The following MTMR1 variants were observed in gnomAD, a reference collection of about 807,000 sequenced individuals.
MTMR1 encodes the protein phosphatidylinositol-3-phosphate phosphatase MTMR1.
MTMR1 carries 17 observed loss-of-function variants against 51.6 expected under a neutral mutation model. That is an observed-to-expected ratio of 0.33 (90% CI 0.23 to 0.49). The LOEUF is 0.49. Among genes scored for constraint, MTMR1 ranks in the 20% least tolerant of loss-of-function variants. The probability of loss-of-function intolerance (pLI) is 0.99; values close to 1 mark genes in which losing one functional copy is unlikely to be tolerated. For missense variants in MTMR1, 386 were observed against 526.9 expected (o/e 0.73, Z 2.62); for synonymous variants, 201 against 205.6 (o/e 0.98, Z 0.19).
Position 150,764,369 on chromosome X carries a change from T to C in MTMR1, c.*1640T>C, listed in dbSNP as rs782698409. 8.9e-6 allele frequency: 1 copy of C among 112,388 alleles called. No homozygotes were observed. The highest frequency in any genetic ancestry group is 1.9e-5 in the Non-Finnish European group (1 of 53,301). 9.3% of individuals were successfully genotyped at this position (112,388 alleles called of 1,213,427 possible). A position where few individuals can be genotyped will look rare whatever the true frequency, so the allele number is the denominator to read the frequency against. The stretch of plus-strand genomic sequence containing the variant: ...AAAATCAATTCTCCATTTTTTATCA[T>C]ATGTGGGATTTGTTGCTAAGTCGTG... On this transcript the variant is annotated 3_prime_UTR_variant, in exon 16 of 16. Transcript: ENST00000445323.
intron 1 of MTMR1, 39 bp downstream of exon 1, chrX:150,693,715 G>T: frequency 1.4e-6 from 1 of 739,595 alleles, no homozygotes; most frequent in Non-Finnish European, 1.6e-6. Flanking sequence ...CCCGCGCCCC[G>T]ACTCCCGAGG....
intron 11 of MTMR1, 79 bp from the exon 12 acceptor site, chrX:150,737,163 C>T: frequency 1.0e-6 from 1 of 993,749 alleles, no homozygotes; most frequent in Admixed American, 2.4e-5. Flanking sequence ...CCAAAGCTCT[C>T]CCCAGAATTA....
At position 150,736,678 on chromosome X, in the gene MTMR1, G is replaced by T. The variant is rs782001346; in HGVS notation, c.1164G>T (p.Met388Ile). The T allele has an allele frequency of 8.3e-7, 1 of 1,211,755 alleles. No homozygotes were observed. ...TGGAGATCCACAACATTCATGTCAT[G>T]CGAGAGTCACTACGCAAATTAAAAG... The part of the protein sequence containing the change: ...VFLEIHNIHV[M>I]RESLRKLKEI... The change falls in exon 11 of 16, where the codon ATG becomes ATT. Residue 388 changes from methionine to isoleucine, a missense_variant. Met to Ile is a conservative substitution (Grantham distance 10). Transcript: ENST00000445323.
rs782632211 is a variant in MTMR1 at position 150,727,271 on chromosome X, G to A, written c.409G>A (p.Val137Met). 4.1e-6 allele frequency: 5 copies of A among 1,210,022 alleles called. No homozygotes were observed. The highest frequency in any genetic ancestry group is 1.8e-5 in the South Asian group (1 of 56,725). The change falls in exon 5 of 16, where the codon GTG becomes ATG. Residue 137 changes from valine (V) to methionine (M), a missense_variant. Coordinates refer to ENST00000445323, the MANE Select transcript of MTMR1 (RefSeq NM_001306144.3). ...GGGAGCAGTGAGTGGAACCCTGACA[G>A]TGACGGACTTTAAGCTGTACTTCAA... The part of the protein sequence containing the change: ...FMGAVSGTLT[V>M]TDFKLYFKNV...
At chrX:150,732,208 T>C (rs1557417016) in intron 9 of MTMR1, among the ~76,000 whole-genome samples, 1 of 112,139 alleles carries the variant, frequency 8.9e-6, no homozygotes, top group East Asian at 2.8e-4. Flanking sequence ...AAAGATGTTT[T>C]TAAAATTAGG....
chrX:150,698,672 ACGCGCG>A (rs58742500), intron 1 of MTMR1, among the ~76,000 whole-genome samples: 3,177 of 76,638 alleles, frequency 0.041, 76 homozygotes, highest in Admixed American at 0.13. Flanking sequence ...CCCTGTCTAC[ACGCGCG>A]CGCACACACA....
rs1381665401 is a variant in MTMR1 at position 150,711,185 on chromosome X, CA to C, written c.253-1150del. On this transcript the variant is annotated intron_variant, in intron 2 of 15. Transcript: ENST00000445323. ...GTTGAGGTAAACATATCCATCCTCC[CA>C]AAAAAAGACACATTTAAGCTTCTCA... is the stretch of plus-strand genomic sequence containing the variant. 3.6e-5 allele frequency among the ~76,000 whole-genome samples: 4 copies of C among 111,901 alleles called. No individual in the cohort carries two copies. In the East Asian group the frequency reaches 8.3e-4, roughly 23 times the overall value.
At chrX:150,739,997 C>T (rs2042379513) in intron 12 of MTMR1, among the ~76,000 whole-genome samples, 1 of 111,705 alleles carries the variant, frequency 9.0e-6, no homozygotes. Flanking sequence ...CCTGCCCTTG[C>T]CTGCTTGCCT....
At chrX:150,701,848 C>T (rs1214988289) in intron 2 of MTMR1, among the ~76,000 whole-genome samples, 1 of 111,377 alleles carries the variant, frequency 9.0e-6, no homozygotes, top group Non-Finnish European at 1.9e-5. Flanking sequence ...ATAGAGAGAT[C>T]TTGCTTCTTT....
At chrX:150,699,157 A>G (rs1321677060) in intron 1 of MTMR1, 38 bp from the exon 2 acceptor site, 3 of 960,110 alleles carry the variant, frequency 3.1e-6, no homozygotes, top group South Asian at 2.4e-5. Flanking sequence ...CTGAGATCCT[A>G]TGATATAACG....
At chrX:150,739,172 C>T (rs782446918) in intron 12 of MTMR1, among the ~76,000 whole-genome samples, 5 of 112,574 alleles carry the variant, frequency 4.4e-5, no homozygotes, top group South Asian at 3.6e-4. Context: ...GGGACAAGTC[C>T]GCAGTCTCTG....
chrX:150,728,261 TC>T (rs1390291885), intron 6 of MTMR1, among the ~76,000 whole-genome samples: 2 of 112,448 alleles, frequency 1.8e-5, no homozygotes, highest in Non-Finnish European at 3.8e-5. Context: ...AATGCAACCA[TC>T]CTTTTAAAAA....
In MTMR1 at chrX:150,764,283, G is replaced by A. The variant is rs982610972; in HGVS notation, c.*1554G>A. The A allele has an allele frequency of 8.9e-6, 1 of 112,070 alleles. No homozygotes were observed. The highest frequency in any genetic ancestry group is 3.2e-5 in the African/African-American group (1 of 30,778). 9.2% of individuals were successfully genotyped at this position (112,070 alleles called of 1,213,427 possible). A position where few individuals can be genotyped will look rare whatever the true frequency, so the allele number is the denominator to read the frequency against. On this transcript the variant is annotated 3_prime_UTR_variant, in exon 16 of 16. Transcript: ENST00000445323. ...TAACTGGGAACCTCCTGATTCTTAC[G>A]GAAAATTATCCTTCTATAAGAAGAT...
chrX:150,726,109 G>A (rs1376247603), intron 4 of MTMR1, among the ~76,000 whole-genome samples: 1 of 111,756 alleles, frequency 8.9e-6, no homozygotes, highest in South Asian at 3.7e-4. Flanking sequence ...GGTGAGCAGC[G>A]GGCTAGTGAG....
intron 4 of MTMR1, among the ~76,000 whole-genome samples, chrX:150,722,454 T>C (rs1211333428): frequency 8.9e-6 from 1 of 112,252 alleles, no homozygotes; most frequent in African/African-American, 3.2e-5. Flanking sequence ...CGAATTGACC[T>C]CGTTATTATC....
chrX:150,707,153 A>G (rs1171301587), intron 2 of MTMR1, among the ~76,000 whole-genome samples: 1 of 112,140 alleles, frequency 8.9e-6, no homozygotes, highest in African/African-American at 3.2e-5. Context: ...AAACTTTTAC[A>G]GAAAAAAGAA....
chrX:150,756,279 CAGT>C (rs1335225796), intron 15 of MTMR1, among the ~76,000 whole-genome samples: 1 of 111,939 alleles, frequency 8.9e-6, no homozygotes, highest in Non-Finnish European at 1.9e-5. Context: ...GTTAGTCCAG[CAGT>C]AGGAGGGCAG....
In MTMR1 at chrX:150,732,249, A is replaced by T. The variant is rs185975862; in HGVS notation, c.892-293A>T. 4.6e-3 allele frequency among the ~76,000 whole-genome samples: 520 copies of T among 111,831 alleles called. 2 individuals are homozygous for T. The highest frequency in any genetic ancestry group is 0.016 in the African/African-American group (498 of 30,758). The stretch of plus-strand genomic sequence containing the variant: ...AGGTAAAATTAGTCAATCAAATTGG[A>T]ATGGGGCTAGATTTTAGTAATAGTT... On this transcript the variant is annotated intron_variant, in intron 9 of 15. Transcript: ENST00000445323.
intron 3 of MTMR1, among the ~76,000 whole-genome samples, chrX:150,717,527 C>G (rs1189462674): frequency 9.0e-6 from 1 of 110,574 alleles, no homozygotes; most frequent in Non-Finnish European, 1.9e-5. Flanking sequence ...GCTGGGGGTT[C>G]TGATCACCTT....
Sources: allele counts gnomAD v4.1 joint callset (sites outside exome capture counted in the v4.1 genomes callset), GRCh38; gene constraint gnomAD v4.1.1; transcripts MANE v1.5; gene names NCBI Gene and HGNC (gene_info 2026-07-23, HGNC 2026-07-21).